The following CLEC1A variants were observed in gnomAD, a reference collection of about 807,000 sequenced individuals.
The protein encoded by CLEC1A is C-type lectin-like receptor-1.
Under a neutral mutation model 28.7 loss-of-function variants are expected in CLEC1A, and 34 were observed. The observed-to-expected ratio is 1.18, with a 90% CI of 0.90 to 1.57. The LOEUF (loss-of-function observed/expected upper bound fraction) is 1.57. Ranked by LOEUF, CLEC1A falls within the 40% of genes most tolerant of loss-of-function variation. The pLI, the probability that CLEC1A is intolerant of heterozygous loss-of-function variation, is 0.00. For missense variants in CLEC1A, 385 were observed against 339.5 expected (o/e 1.13, Z -1.05); for synonymous variants, 116 against 121.0 (o/e 0.96, Z 0.27).
rs1049113468 is a variant in CLEC1A, at chr12:10,089,270, G to C, written c.116-48C>G. 7 of 1,482,266 alleles carry C rather than the reference G, an allele frequency of 4.7e-6. No individual in the cohort carries two copies. The African/African-American group carries it at 9.7e-5, about 21-fold the overall frequency. 91.8% of individuals were successfully genotyped at this position (1,482,266 alleles called of 1,614,324 possible). ...CAGAGTTTGGCTTTTTCTTCCTCTT[G>C]CATCTAAGTCAATAACAGGTAAGGG... On this transcript the variant is annotated intron_variant, in intron 1 of 5. Transcript: ENST00000315330.
intron 2 of CLEC1A, among the ~76,000 whole-genome samples, chr12:10,087,507 T>C (rs1402682853): frequency 6.0e-5 from 8 of 133,922 alleles, no homozygotes; most frequent in Non-Finnish European, 7.9e-5. Context: ...TATATATATA[T>C]ATATATATAT....
At position 10,071,473 on chromosome 12, in the gene CLEC1A, C is replaced by T; in HGVS notation, c.703G>A (p.Asp235Asn). The T allele has an allele frequency of 6.2e-7, 1 of 1,613,184 alleles. No individual in the cohort carries two copies. The highest frequency in any genetic ancestry group is 8.5e-7 in the Non-Finnish European group (1 of 1,179,478). The change falls in exon 6 of 6, where the codon GAC (aspartate) becomes AAC (asparagine). Residue 235 changes from aspartate (D) to asparagine (N), a missense_variant. Physicochemically the swap from Asp to Asn is conservative, Grantham distance 23 (BLOSUM62 1). Coordinates refer to ENST00000315330, the MANE Select transcript of CLEC1A (RefSeq NM_016511.4). ...ATCCCATTAAGGATGGCCACACAGT[C>T]TCTGCTTCTTGGGCTGGTGACATCT... ...IIDVTSPRSR[D>N]CVAILNGMIF...
chr12:10,076,076 A>G (rs566950461), intron 3 of CLEC1A, among the ~76,000 whole-genome samples: 1 of 152,230 alleles, frequency 6.6e-6, no homozygotes, highest in Non-Finnish European at 1.5e-5. Flanking sequence ...GTTTTAAAAA[A>G]TACGGTATAT....
At chr12:10,093,678 T>G (rs529123039) in intron 1 of CLEC1A, among the ~76,000 whole-genome samples, 1 of 152,068 alleles carries the variant, frequency 6.6e-6, no homozygotes, top group East Asian at 1.9e-4. Context: ...ACAAACTAGT[T>G]GCAGAGCTAG....
intron 3 of CLEC1A, among the ~76,000 whole-genome samples, chr12:10,080,475 G>C (rs764143369): frequency 6.6e-6 from 1 of 152,198 alleles, no homozygotes; most frequent in Non-Finnish European, 1.5e-5. Flanking sequence ...TTTCAGGTGG[G>C]AAGTGGTGTG....
At position 10,084,754 on chromosome 12, in the gene CLEC1A, G is replaced by A. The variant is rs141372529; in HGVS notation, c.215-3341C>T. Among the ~76,000 whole-genome samples the A allele has an allele frequency of 4.1e-3, 576 of 139,624 alleles. 7 individuals carry two copies. The highest frequency in any genetic ancestry group is 0.013 in the African/African-American group (523 of 39,078). The allele number at this position is 139,624 out of a possible 152,430, so 91.6% of individuals were successfully genotyped here. On this transcript the variant is annotated intron_variant, in intron 2 of 5. Coordinates refer to ENST00000315330, the MANE Select transcript of CLEC1A (RefSeq NM_016511.4). ...GGAGAATGGCATGAACCCGGGAGGC[G>A]GAGCTTGCAGTGAACCGAGATCGCG... is the stretch of plus-strand genomic sequence containing the variant.
At chr12:10,095,054 A>G (rs1947758781) in intron 1 of CLEC1A, among the ~76,000 whole-genome samples, 1 of 152,174 alleles carries the variant, frequency 6.6e-6, no homozygotes, top group Non-Finnish European at 1.5e-5. Context: ...GATTTAGAGT[A>G]TTCCTTCCAC....
At position 10,075,654 on chromosome 12, in the gene CLEC1A, T is replaced by C; in HGVS notation, c.393A>G (p.Ala131=). The change falls in exon 4 of 6, where the codon GCA becomes GCG. Residue 131 remains alanine, a splice_region_variant and synonymous_variant. Transcript: ENST00000315330. The part of the protein sequence containing the change: ...LCRELYNKAG[A]HRCSPCTEQW... ...GTTCTGTACAAGGGCTGCACCTGTG[T>C]GCTTGGAAAAAAGCCAATTTTATTG... 1 of 1,611,666 alleles carries C rather than the reference T, an allele frequency of 6.2e-7. No homozygotes were observed. Among genetic ancestry groups the C allele is most frequent in the Non-Finnish European group, 8.5e-7 (1 of 1,179,030 alleles).
chr12:10,084,771 G>A (rs2401615), intron 2 of CLEC1A, among the ~76,000 whole-genome samples: 115,907 of 147,368 alleles, frequency 0.79, 46,797 homozygotes, highest in Middle Eastern at 0.88. Context: ...GCAGTGAACC[G>A]AGATCGCGCC....
rs763692274 is a variant in CLEC1A at position 10,098,941 on chromosome 12, GA to G, written c.-20del. On this transcript the variant is annotated 5_prime_UTR_variant, in exon 1 of 6. Transcript: ENST00000315330. ...CCTGCATCTGGATTCCTACAGCGGT[GA>G]GAGTGAAATGTGGTCGGATTGCCCT... 3.7e-5 allele frequency: 58 copies of G among 1,584,984 alleles called. 1 individual carries two copies. Among genetic ancestry groups the G allele is most frequent in the South Asian group, 1.8e-4 (16 of 88,900 alleles).
At chr12:10,085,196 AACAC>A (rs144572464) in intron 2 of CLEC1A, among the ~76,000 whole-genome samples, 9,987 of 129,046 alleles carry the variant, frequency 0.077, 288 homozygotes, top group Non-Finnish European at 0.08. Flanking sequence ...ATAAGACAAT[AACAC>A]ACACACACAC....
At chr12:10,097,858 A>G (rs557136314) in intron 1 of CLEC1A, among the ~76,000 whole-genome samples, 1 of 140,844 alleles carries the variant, frequency 7.1e-6, no homozygotes, top group East Asian at 2.0e-4. Flanking sequence ...ACTTAGCTTC[A>G]TTTCAAAGAG....
rs1482314724 is a variant in CLEC1A, at chr12:10,081,385, A to G, written c.243T>C (p.Thr81=). 5.0e-6 allele frequency: 8 copies of G among 1,608,466 alleles called. No homozygotes were observed. The highest frequency in any genetic ancestry group is 6.8e-6 in the Non-Finnish European group (8 of 1,177,686). The part of the protein sequence containing the change: ...LFFQYYQLSN[T]GQDTISQMEE... ...CCATTTGAGAAATGGTGTCTTGACC[A>G]GTATTGGAGAGCTGGTAGTACTGAA... Residue 81 remains threonine (T), a synonymous_variant, in exon 3 of 6, where the codon ACT becomes ACC. Transcript: ENST00000315330.
At chr12:10,081,129 T>C in intron 3 of CLEC1A, 108 bp downstream of exon 3, 1 of 965,740 alleles carries the variant, frequency 1.0e-6, no homozygotes, top group East Asian at 2.6e-5. Flanking sequence ...CCTTTTTCAG[T>C]TTGCCAGACC....
chr12:10,089,344 A>T (rs1866566845), intron 1 of CLEC1A, 122 bp from the exon 2 acceptor site: 1 of 734,730 alleles, frequency 1.4e-6, no homozygotes, highest in Admixed American at 2.4e-5. Context: ...CAACGGTAAC[A>T]GGGGCTGGAT....
intron 2 of CLEC1A, among the ~76,000 whole-genome samples, 174 bp downstream of exon 2, chr12:10,088,950 T>TA (rs1426262349): frequency 2.0e-5 from 3 of 152,012 alleles, no homozygotes; most frequent in Non-Finnish European, 4.4e-5. Flanking sequence ...TGATTTTTTT[T>TA]TTACTTCTTC....
chr12:10,085,254 G>A (rs777828387), intron 2 of CLEC1A, among the ~76,000 whole-genome samples: 13 of 123,448 alleles, frequency 1.1e-4, no homozygotes, highest in Non-Finnish European at 1.5e-4. Context: ...ATAAAACAAG[G>A]TATTCAGGCA....
intron 5 of CLEC1A, 120 bp downstream of exon 5, chr12:10,073,173 C>G (rs535871033): frequency 2.4e-5 from 17 of 699,346 alleles, no homozygotes; most frequent in South Asian, 2.4e-4. Context: ...CCTGCAAACA[C>G]AGTATCCAGT....
At position 10,073,256 on chromosome 12, in the gene CLEC1A, T is replaced by C. The variant is rs2291158; in HGVS notation, c.662+37A>G. ...CTATCACTCAAGCAAAATATCTTTG[T>C]TAAATGCCTTTCCCATAAAATATCC... On this transcript the variant is annotated intron_variant, in intron 5 of 5. Transcript: ENST00000315330. The C allele has an allele frequency of 8.8e-3, 12,977 of 1,482,610 alleles. 479 individuals carry two copies. In the East Asian group the frequency reaches 0.12, roughly 14 times the overall value. 91.8% of individuals were successfully genotyped at this position (1,482,610 alleles called of 1,614,324 possible). A position where few individuals can be genotyped will look rare whatever the true frequency, so the allele number is the denominator to read the frequency against.
Sources: allele counts gnomAD v4.1 joint callset (sites outside exome capture counted in the v4.1 genomes callset), GRCh38; gene constraint gnomAD v4.1.1; transcripts MANE v1.5; gene names NCBI Gene and HGNC (gene_info 2026-07-23, HGNC 2026-07-21).